Variants in ARHGEF3 observed in about 807,000 individuals in gnomAD.
ARHGEF3 encodes the protein 59.8 kDA protein.
Under a neutral mutation model 63.2 loss-of-function variants are expected in ARHGEF3, and 28 were observed. That is an observed-to-expected ratio of 0.44 (90% confidence interval 0.33 to 0.61). The LOEUF (loss-of-function observed/expected upper bound fraction) is 0.61. ARHGEF3 is among the 20% of genes least tolerant of loss of function. The probability of loss-of-function intolerance (pLI) is 0.03; values close to 1 mark genes in which losing one functional copy is unlikely to be tolerated. For missense variants in ARHGEF3, 533 were observed against 659.3 expected, an observed-to-expected ratio of 0.81 and a Z score of 2.10; for synonymous variants, 266 against 254.2, an observed-to-expected ratio of 1.05 and a Z score of -0.44.
intron 2 of ARHGEF3, among the ~76,000 whole-genome samples, chr3:56,992,407 A>AAAAAAAAAAAAAC (rs1553799653): frequency 2.6e-5 from 3 of 116,178 alleles, no homozygotes; most frequent in Non-Finnish European, 5.9e-5. Context: ...AAAAAAAAAA[A>AAAAAAAAAAAAAC]AAAAAAACAG....
chr3:56,787,248 G>A (rs2036861676), intron 1 of ARHGEF3, among the ~76,000 whole-genome samples: 1 of 152,142 alleles, frequency 6.6e-6, no homozygotes, highest in Admixed American at 6.5e-5. Flanking sequence ...CCCAACATTT[G>A]AGAGTCAAGC....
intron 2 of ARHGEF3, among the ~76,000 whole-genome samples, chr3:57,012,609 T>A (rs957668311): frequency 2.3e-4 from 35 of 152,158 alleles, no homozygotes; most frequent in African/African-American, 8.0e-4. Context: ...AGAAGGTGGG[T>A]AGAATGATTA....
At chr3:57,056,715 T>C (rs1020805024) in intron 1 of ARHGEF3, among the ~76,000 whole-genome samples, 1 of 152,132 alleles carries the variant, frequency 6.6e-6, no homozygotes, top group Non-Finnish European at 1.5e-5. Flanking sequence ...AGACAGGATG[T>C]AGCTATGTTG....
At chr3:56,808,217 T>C (rs2037935014) in intron 4 of ARHGEF3, among the ~76,000 whole-genome samples, 1 of 152,052 alleles carries the variant, frequency 6.6e-6, no homozygotes, top group South Asian at 2.1e-4. Context: ...AAAAACTGGT[T>C]AAAGGAGAGT....
chr3:56,882,277 A>G lies in ARHGEF3; in HGVS notation c.192+15T>C, dbSNP rs747690054. On this transcript the variant is annotated intron_variant, in intron 4 of 12. Transcript: ENST00000338458. ...TGCTCTCGGTGCCAGTGGGGGAAGA[A>G]AGGACTATACTTACACTTATGTCGA... is the stretch of plus-strand genomic sequence containing the variant. 4.6e-5 allele frequency: 71 copies of G among 1,550,458 alleles called. No homozygotes were observed. The South Asian group carries it at 8.3e-4, about 18-fold the overall frequency.
chr3:56,977,889 G>T (rs1701183626), intron 2 of ARHGEF3, among the ~76,000 whole-genome samples: 1 of 152,164 alleles, frequency 6.6e-6, no homozygotes, highest in Non-Finnish European at 1.5e-5. Flanking sequence ...GTAGAAACTG[G>T]CTGTGACTAT....
At chr3:56,740,402 A>T (rs2033938316) in intron 7 of ARHGEF3, among the ~76,000 whole-genome samples, 1 of 152,230 alleles carries the variant, frequency 6.6e-6, no homozygotes, top group African/African-American at 2.4e-5. Flanking sequence ...AACATAAAAC[A>T]ATAAATAGCA....
intron 4 of ARHGEF3, among the ~76,000 whole-genome samples, chr3:56,866,326 T>C (rs1221509524): frequency 6.6e-6 from 1 of 152,218 alleles, no homozygotes; most frequent in African/African-American, 2.4e-5. Context: ...ACCAAAACCT[T>C]ATTTACCTTT....
At chr3:56,859,179 G>C (rs542077561) in intron 4 of ARHGEF3, among the ~76,000 whole-genome samples, 38 of 152,146 alleles carry the variant, frequency 2.5e-4, no homozygotes, top group Admixed American at 2.0e-3. Flanking sequence ...TTGTTTTTGA[G>C]ACGGATGGAG....
chr3:56,747,905 G>A (rs2034490343), intron 6 of ARHGEF3, among the ~76,000 whole-genome samples: 1 of 152,200 alleles, frequency 6.6e-6, no homozygotes, highest in South Asian at 2.1e-4. Context: ...CCAAGCCTCA[G>A]TGTCTCCACC....
At chr3:56,799,822 A>T (rs1042545593) in intron 1 of ARHGEF3, among the ~76,000 whole-genome samples, 1 of 152,198 alleles carries the variant, frequency 6.6e-6, no homozygotes, top group African/African-American at 2.4e-5. Flanking sequence ...CTCTGCCTCA[A>T]AGTGTATAAA....
intron 2 of ARHGEF3, among the ~76,000 whole-genome samples, chr3:57,003,128 G>A (rs534523041): frequency 5.9e-5 from 9 of 151,508 alleles, no homozygotes; most frequent in South Asian, 4.2e-4. Context: ...ATTAAAGGCC[G>A]GGCGCAGTGG....
intron 3 of ARHGEF3, chr3:56,958,783 A>G (rs865931184): frequency 6.6e-7 from 1 of 1,523,580 alleles, no homozygotes; most frequent in African/African-American, 1.4e-5. Flanking sequence ...TATCCATAAT[A>G]GGACATTTAA....
At chr3:57,015,421 T>C (rs1245540356) in intron 2 of ARHGEF3, among the ~76,000 whole-genome samples, 1 of 152,128 alleles carries the variant, frequency 6.6e-6, no homozygotes, top group Non-Finnish European at 1.5e-5. Context: ...TCTTACAATT[T>C]TGTAAAATTC....
At chr3:56,928,060 A>G (rs577059037) in intron 3 of ARHGEF3, among the ~76,000 whole-genome samples, 1 of 152,168 alleles carries the variant, frequency 6.6e-6, no homozygotes, top group Non-Finnish European at 1.5e-5. Context: ...CTGCAGACAC[A>G]TGCAGCATGA....
At chr3:56,765,712 T>C (rs2035666763) in intron 2 of ARHGEF3, among the ~76,000 whole-genome samples, 2 of 152,158 alleles carry the variant, frequency 1.3e-5, no homozygotes. Flanking sequence ...CCCTCCACCC[T>C]TGCTAAGCAG....
intron 1 of ARHGEF3, among the ~76,000 whole-genome samples, chr3:57,054,786 G>A (rs1266894504): frequency 6.6e-6 from 1 of 151,580 alleles, no homozygotes; most frequent in Non-Finnish European, 1.5e-5. Context: ...GAGTAGCTGG[G>A]ATTATAGGCA....
At chr3:56,857,557 T>C (rs2039928851) in intron 4 of ARHGEF3, among the ~76,000 whole-genome samples, 1 of 152,156 alleles carries the variant, frequency 6.6e-6, no homozygotes. Context: ...AGTAATTGAG[T>C]CAGTCAATCA....
At chr3:56,853,749 T>C (rs2039761208) in intron 4 of ARHGEF3, among the ~76,000 whole-genome samples, 1 of 152,234 alleles carries the variant, frequency 6.6e-6, no homozygotes, top group African/African-American at 2.4e-5. Context: ...CCTTCCTTTG[T>C]TGAGTATTTG....
Sources: gnomAD v4.1 joint callset for allele counts (sites outside exome capture counted in the v4.1 genomes callset) on GRCh38, gnomAD v4.1.1 for gene constraint, MANE v1.5 for transcripts, NCBI Gene and HGNC (gene_info 2026-07-23, HGNC 2026-07-21) for gene names.